The following MYH9 variants were observed in gnomAD, a reference collection of about 807,000 sequenced individuals.
MYH9 encodes myosin heavy chain 9, also known as myosin-9.
MYH9 carries 29 observed loss-of-function variants against 241.9 expected under a neutral mutation model. The observed-to-expected ratio is 0.12, with a 90% CI of 0.09 to 0.16. The LOEUF is 0.16. Ranked by LOEUF, MYH9 falls within the 10% of genes least tolerant of loss-of-function variation. The pLI, the probability that MYH9 is intolerant of heterozygous loss-of-function variation, is 1.00. For synonymous variants in MYH9, 1,047 were observed against 1,062.6 expected, an observed-to-expected ratio of 0.99 and a Z score of 0.29; for missense variants, 1,803 against 2,595.5, an observed-to-expected ratio of 0.69 and a Z score of 6.63.
In MYH9 at chr22:36,317,140, A is replaced by AG. The variant is rs199592410; in HGVS notation, c.1228-472dup. 4.4e-3 allele frequency among the ~76,000 whole-genome samples: 497 copies of AG among 111,812 alleles called. 6 individuals carry two copies. In the East Asian group the frequency reaches 0.046, roughly 10 times the overall value. 73.4% of individuals were successfully genotyped at this position (111,812 alleles called of 152,430 possible). On this transcript the variant is annotated intron_variant, in intron 11 of 40. Transcript: ENST00000216181. The stretch of plus-strand genomic sequence containing the variant: ...AAAATAAGGCAGTGGGCAGAGGGGC[A>AG]GGGGGAGATAAGACAAACGATGAGC...
intron 1 of MYH9, among the ~76,000 whole-genome samples, chr22:36,375,511 G>A (rs769941843): frequency 6.6e-6 from 1 of 152,196 alleles, no homozygotes; most frequent in Non-Finnish European, 1.5e-5. Context: ...TCAGCCACTG[G>A]TGAGGGTGGA....
chr22:36,326,741 C>G, intron 4 of MYH9, 80 bp from the exon 5 acceptor site: 1 of 1,212,844 alleles, frequency 8.2e-7, no homozygotes, highest in Non-Finnish European at 1.2e-6. Context: ...GCACGCTCCA[C>G]TGCCTCGCAT....
chr22:36,378,497 G>C (rs2018206516), intron 1 of MYH9, among the ~76,000 whole-genome samples: 1 of 152,114 alleles, frequency 6.6e-6, no homozygotes, highest in African/African-American at 2.4e-5. Flanking sequence ...ATTATCACCG[G>C]AGACATTAAG....
rs753318371 is a variant in MYH9, at chr22:36,318,298, C to T, written c.1136G>A (p.Gly379Asp). ...TCTGGTGAAATCGGTCACATTGATA[C>T]CCAAGAGATGGGACACCTTTTGGGC... is the stretch of plus-strand genomic sequence containing the variant. ...TAAQKVSHLL[G>D]INVTDFTRGI... The change falls in exon 11 of 41, where the codon GGT (glycine) becomes GAT (aspartate). Residue 379 changes from glycine to aspartate, a missense_variant. By Grantham distance (94) the Gly-to-Asp change is moderately conservative. This residue lies in a region of MYH9 where 222 missense variants were observed against 359.9 expected (regional missense o/e 0.62). Coordinates refer to ENST00000216181, the MANE Select transcript of MYH9 (RefSeq NM_002473.6). 3.1e-6 allele frequency: 5 copies of T among 1,613,998 alleles called. No homozygotes were observed. Among genetic ancestry groups the T allele is most frequent in the Admixed American group, 3.3e-5 (2 of 60,000 alleles).
chr22:36,311,812 G>A (rs1048974598), intron 14 of MYH9, among the ~76,000 whole-genome samples: 1 of 152,218 alleles, frequency 6.6e-6, no homozygotes, highest in East Asian at 1.9e-4. Flanking sequence ...ACCAGCCTGG[G>A]CACCGCGGTG....
chr22:36,294,253 G>T lies in MYH9; in HGVS notation c.3676C>A (p.Arg1226=), dbSNP rs375797448. The T allele has an allele frequency of 1.9e-6, 3 of 1,614,056 alleles. No homozygotes were observed. The highest frequency in any genetic ancestry group is 2.5e-6 in the Non-Finnish European group (3 of 1,180,042). The change falls in exon 28 of 41, where the codon CGG becomes AGG. Residue 1226 remains arginine, a synonymous_variant. Coordinates refer to ENST00000216181, the MANE Select transcript of MYH9 (RefSeq NM_002473.6). Reference sequence around the variant, plus strand: ...TTCACCTCGTTGGCCAGCTCCCCCCGCTCGTTCTCCAGAGTCTGCTTTGCC... The same window carrying T: ...TTCACCTCGTTGGCCAGCTCCCCCCTCTCGTTCTCCAGAGTCTGCTTTGCC... The part of the protein sequence containing the change: ...EKAKQTLENE[R]GELANEVKVL...
rs754700132 is a variant in MYH9, at chr22:36,295,103, G to T, written c.3486-27C>A. 1.2e-6 allele frequency: 2 copies of T among 1,614,066 alleles called. No homozygotes were observed. The highest frequency in any genetic ancestry group is 2.7e-5 in the African/African-American group (2 of 75,026). On this transcript the variant is annotated intron_variant, in intron 26 of 40. Coordinates refer to ENST00000216181, the MANE Select transcript of MYH9 (RefSeq NM_002473.6). This position sits in a 1 kb window ranked among gnomAD's most constrained non-coding sequence, Gnocchi z 4.1. ...TGGACAGAGAAATCCCCTCAGAGTG[G>T]AGGCCGGGGATGCTGGAGCGAGGCT...
rs376417391 is a variant in MYH9, at chr22:36,349,217, T to C, written c.20A>G (p.Asp7Gly). Residue 7 changes from aspartate to glycine, a missense_variant, in exon 2 of 41, where the codon GAT becomes GGT. Around this residue, in one of 11 missense-constraint regions of MYH9, gnomAD observed 75 missense variants for 79.1 expected, o/e 0.95. Coordinates refer to ENST00000216181, the MANE Select transcript of MYH9 (RefSeq NM_002473.6). MAQQAA[D>G]KYLYVDKNFI... is the part of the protein sequence containing the mutation. ...GTTTTTATCCACATAGAGATACTTATCGGCAGCTTGCTGTGCCATGGTGAC... is the reference window on the plus strand; with the variant it reads ...GTTTTTATCCACATAGAGATACTTACCGGCAGCTTGCTGTGCCATGGTGAC... 5 of 1,614,062 alleles carry C rather than the reference T, an allele frequency of 3.1e-6. No homozygotes were observed. The highest frequency in any genetic ancestry group is 3.4e-6 in the Non-Finnish European group (4 of 1,180,050).
chr22:36,355,603 C>T (rs898276166), intron 1 of MYH9, among the ~76,000 whole-genome samples: 8 of 152,214 alleles, frequency 5.3e-5, no homozygotes, highest in Non-Finnish European at 8.8e-5. Flanking sequence ...TCACCTTCAC[C>T]GTAAAGCTGC....
chr22:36,358,455 T>C, intron 1 of MYH9, among the ~76,000 whole-genome samples: 1 of 152,066 alleles, frequency 6.6e-6, no homozygotes, highest in East Asian at 1.9e-4. Context: ...CCGGATTATT[T>C]CCCGCCCAGA....
Position 36,300,934 on chromosome 22 carries a change from C to T in MYH9, c.2755G>A (p.Asp919Asn), listed in dbSNP as rs1318910548. ...TCCTCCTCCACCCTGGCCTCTAGGT[C>T]ATGGCAGATCTCTTCTAATTCCTGC... ...KKQELEEICH[D>N]LEARVEEEEE... Residue 919 changes from aspartate to asparagine, a missense_variant, in exon 22 of 41, where the codon GAC (aspartate) becomes AAC (asparagine). Asp to Asn is a conservative substitution (Grantham distance 23). Transcript: ENST00000216181. The surrounding 1 kb of genome is among the most constrained non-coding windows in gnomAD (Gnocchi z 5.0). 1.9e-6 allele frequency: 3 copies of T among 1,610,056 alleles called. No individual in the cohort carries two copies. The highest frequency in any genetic ancestry group is 2.2e-5 in the South Asian group (2 of 91,080).
At chr22:36,323,878 C>A (rs775853970) in intron 5 of MYH9, among the ~76,000 whole-genome samples, 37 of 152,242 alleles carry the variant, frequency 2.4e-4, no homozygotes, top group Admixed American at 1.1e-3. Flanking sequence ...GTCAAGCCCA[C>A]AGAGCAGGCT....
In MYH9 at chr22:36,358,217, G is replaced by A. The variant is rs563160024; in HGVS notation, c.-19-8962C>T. Among the ~76,000 whole-genome samples, 8 of 152,200 alleles carry A rather than the reference G, an allele frequency of 5.3e-5. No individual in the cohort carries two copies. In the South Asian group the frequency reaches 8.3e-4, roughly 16 times the overall value. On this transcript the variant is annotated intron_variant, in intron 1 of 40. Coordinates refer to ENST00000216181, the MANE Select transcript of MYH9 (RefSeq NM_002473.6). ...GTAGCTGGGACTACAGGTGCACACC[G>A]CCACACCCGGCTAATTTTTTGTATT...
At position 36,350,988 on chromosome 22, in the gene MYH9, C is replaced by T. The variant is rs9622383; in HGVS notation, c.-19-1733G>A. Among the ~76,000 whole-genome samples the T allele has an allele frequency of 7.5e-3, 1,141 of 152,286 alleles. 11 individuals are homozygous for T. Among genetic ancestry groups the T allele is most frequent in the African/African-American group, 0.025 (1,019 of 41,562 alleles). On this transcript the variant is annotated intron_variant, in intron 1 of 40. Transcript: ENST00000216181. ...TCCAGGAAGTCCCCAGATCCAAACA[C>T]GGAACACCATGGGCTTTTGTGCTTC...
At chr22:36,319,879 C>CA (rs1293924964) in intron 9 of MYH9, 1 of 624,766 alleles carries the variant, frequency 1.6e-6, no homozygotes, top group East Asian at 2.8e-5. Flanking sequence ...CTGGGCTTCA[C>CA]CAGCACAAAG....
intron 1 of MYH9, among the ~76,000 whole-genome samples, chr22:36,380,626 AGCTACTCGGGAG>A (rs2018242614): frequency 2.0e-5 from 3 of 152,158 alleles, no homozygotes; most frequent in Admixed American, 6.6e-5. Context: ...CTATAATCCC[AGCTACTCGGGAG>A]GCTGAGGCAG....
intron 11 of MYH9, among the ~76,000 whole-genome samples, chr22:36,316,873 C>G (rs911077884): frequency 4.6e-5 from 7 of 152,038 alleles, no homozygotes; most frequent in African/African-American, 1.7e-4. Flanking sequence ...AACCTAATAT[C>G]TAACAATATG....
intron 1 of MYH9, among the ~76,000 whole-genome samples, chr22:36,362,074 T>TA (rs376898248): frequency 7.1e-4 from 108 of 151,420 alleles, no homozygotes; most frequent in Middle Eastern, 6.8e-3. Context: ...GCCTCAAAAA[T>TA]AAAAAAAACA....
Position 36,291,683 on chromosome 22 carries a change from T to TA in MYH9, c.4344+302dup, listed in dbSNP as rs66686435. ...ACCCAAGAATGATCAATAAAAAAAT[T>TA]AAAAAAAAAAAAAAAAAAAAAAAGA... On this transcript the variant is annotated intron_variant, in intron 31 of 40. Coordinates refer to ENST00000216181, the MANE Select transcript of MYH9 (RefSeq NM_002473.6). Among the ~76,000 whole-genome samples the TA allele has an allele frequency of 0.075, 6,519 of 86,866 alleles. 254 individuals are homozygous for TA. The highest frequency in any genetic ancestry group is 0.12 in the Non-Finnish European group (5,124 of 44,320). 57.0% of individuals were successfully genotyped at this position (86,866 alleles called of 152,430 possible).
Sources: gnomAD v4.1 joint callset for allele counts (sites outside exome capture counted in the v4.1 genomes callset) on GRCh38, gnomAD v4.1.1 for gene constraint, gnomAD v4.1.1 regional missense constraint, Gnocchi (gnomAD v3.1) non-coding constraint, MANE v1.5 for transcripts, NCBI Gene and HGNC (gene_info 2026-07-23, HGNC 2026-07-21) for gene names.